PGBD2: variants seen among roughly 807,000 people sequenced by gnomAD.
PGBD2 encodes piggyBac transposable element derived 2.
PGBD2 carries 6 observed loss-of-function variants against 8.1 expected under a neutral mutation model. That is an observed-to-expected ratio of 0.74 (90% CI 0.40 to 1.46). The LOEUF (loss-of-function observed/expected upper bound fraction) is 1.46. Among genes scored for constraint, PGBD2 ranks in the 40% most tolerant of loss-of-function variants. PGBD2 has a pLI of 0.02. For synonymous variants in PGBD2, 318 were observed against 272.2 expected (o/e 1.17, Z -1.66); for missense variants, 802 against 739.0 (o/e 1.09, Z -0.99).
downstream of PGBD2, among the ~76,000 whole-genome samples, chr1:248,921,373 C>T (rs1020076670): frequency 6.6e-6 from 1 of 152,138 alleles, no homozygotes; most frequent in African/African-American, 2.4e-5. Flanking sequence ...AACCAGTTTT[C>T]CCAACACTAT....
chr1:248,879,956 C>T, the PGBD2 span, among the ~76,000 whole-genome samples: 1 of 152,126 alleles, frequency 6.6e-6, no homozygotes, highest in Non-Finnish European at 1.5e-5. Flanking sequence ...ATCAGTTCTG[C>T]ATGCTGTGGA....
chr1:248,928,199 G>A, the PGBD2 span, among the ~76,000 whole-genome samples: 1 of 152,132 alleles, frequency 6.6e-6, no homozygotes, highest in South Asian at 2.1e-4. Context: ...CAATTAAAAT[G>A]CAACATGTCT....
intron 1 of PGBD2, among the ~76,000 whole-genome samples, chr1:248,907,946 A>G (rs1661720611): frequency 6.6e-6 from 1 of 152,172 alleles, no homozygotes. Context: ...ATTTACATCT[A>G]TAAAATGTCT....
upstream of PGBD2, among the ~76,000 whole-genome samples, chr1:248,905,503 G>C (rs1661607205): frequency 6.6e-6 from 1 of 151,918 alleles, no homozygotes; most frequent in South Asian, 2.1e-4. Context: ...AGTGTGGTGT[G>C]CTACTGGCAT....
rs776912838 is a variant in PGBD2 at position 248,917,610 on chromosome 1, T to A, written c.1026T>A (p.Gly342=). The change falls in exon 3 of 3, where the codon GGT becomes GGA. Residue 342 remains glycine, a synonymous_variant. Coordinates refer to ENST00000329291, the MANE Select transcript of PGBD2 (RefSeq NM_170725.3). The part of the protein sequence containing the change: ...IKFVDALQER[G]FLPYHIFFDK... Reference sequence around the variant, plus strand: ...TTGTGGATGCGCTTCAGGAGCGTGGTTTTCTGCCATATCACATATTTTTTG... The same window carrying A: ...TTGTGGATGCGCTTCAGGAGCGTGGATTTCTGCCATATCACATATTTTTTG... 2 of 1,614,042 alleles carry A rather than the reference T, an allele frequency of 1.2e-6. No individual in the cohort carries two copies. Among genetic ancestry groups the A allele is most frequent in the Non-Finnish European group, 8.5e-7 (1 of 1,180,042 alleles).
At chr1:248,878,785 ACACT>A in the PGBD2 span, among the ~76,000 whole-genome samples, 2 of 152,186 alleles carry the variant, frequency 1.3e-5, no homozygotes. Flanking sequence ...GCTCCATAGT[ACACT>A]GCCCAATTTT....
At chr1:248,916,076 C>T (rs1342601517) in intron 2 of PGBD2, among the ~76,000 whole-genome samples, 2 of 152,084 alleles carry the variant, frequency 1.3e-5, no homozygotes, top group African/African-American at 4.8e-5. Flanking sequence ...AGGTAAGACC[C>T]GTTTATTCCG....
chr1:248,877,982 A>C, the PGBD2 span, among the ~76,000 whole-genome samples: 538 of 152,318 alleles, frequency 3.5e-3, 3 homozygotes, highest in Middle Eastern at 6.8e-3. Context: ...ATATTGCAGA[A>C]AGTGTGGTAA....
At chr1:248,923,291 A>G (rs80056391), downstream of PGBD2, among the ~76,000 whole-genome samples, 19 of 152,178 alleles carry the variant, frequency 1.2e-4, no homozygotes, top group East Asian at 3.7e-3. Flanking sequence ...TTTCTGGGGG[A>G]TCAGTGGTGA....
rs1445950627 is a variant in PGBD2, at chr1:248,913,727, A to G, written c.-47-89A>G. 2.3e-5 allele frequency: 17 copies of G among 751,584 alleles called. No individual in the cohort carries two copies. The Admixed American group carries it at 3.5e-4, about 16-fold the overall frequency. The allele number at this position is 751,584 out of a possible 1,614,324, so 46.6% of individuals were successfully genotyped here. ...TAAGGTGGTGAATCTTAAGTCAAATATATTTTTCCCTTAAATGGTAGAAAA... is the reference window on the plus strand; with the variant it reads ...TAAGGTGGTGAATCTTAAGTCAAATGTATTTTTCCCTTAAATGGTAGAAAA... On this transcript the variant is annotated intron_variant, in intron 1 of 2. Transcript: ENST00000329291.
rs574551950 is a variant in PGBD2 at position 248,913,741 on chromosome 1, A to G, written c.-47-75A>G. On this transcript the variant is annotated intron_variant, in intron 1 of 2. Transcript: ENST00000329291. The stretch of plus-strand genomic sequence containing the variant: ...TTAAGTCAAATATATTTTTCCCTTA[A>G]ATGGTAGAAAAGATCCTGTTGCCTT... 3 of 793,960 alleles carry G rather than the reference A, an allele frequency of 3.8e-6. No homozygotes were observed. The South Asian group carries it at 4.3e-5, about 11-fold the overall frequency. 49.2% of individuals were successfully genotyped at this position (793,960 alleles called of 1,614,324 possible). A position where few individuals can be genotyped will look rare whatever the true frequency, so the allele number is the denominator to read the frequency against.
the PGBD2 span, among the ~76,000 whole-genome samples, chr1:248,899,864 C>G: frequency 6.7e-6 from 1 of 149,094 alleles, no homozygotes; most frequent in African/African-American, 2.5e-5. Flanking sequence ...GGAGAAGAAT[C>G]AAATAGATAT....
the PGBD2 span, among the ~76,000 whole-genome samples, chr1:248,896,880 T>C: frequency 6.6e-6 from 1 of 152,240 alleles, no homozygotes; most frequent in African/African-American, 2.4e-5. Context: ...CCGTGAGGGA[T>C]TGCACTACCC....
At chr1:248,880,855 T>C in the PGBD2 span, among the ~76,000 whole-genome samples, 1 of 152,198 alleles carries the variant, frequency 6.6e-6, no homozygotes, top group Non-Finnish European at 1.5e-5. Flanking sequence ...TTTATCTATA[T>C]TAATAGTCTA....
intron 1 of PGBD2, among the ~76,000 whole-genome samples, chr1:248,908,595 T>A (rs889503354): frequency 3.3e-5 from 5 of 152,156 alleles, no homozygotes; most frequent in African/African-American, 1.2e-4. Flanking sequence ...TCCCTGCATC[T>A]ATGTTGGGGC....
the PGBD2 span, among the ~76,000 whole-genome samples, chr1:248,890,197 G>A: frequency 0.035 from 5,263 of 152,102 alleles, 297 homozygotes; most frequent in African/African-American, 0.12. Context: ...ACAGTGCTGG[G>A]TTACAGGCGT....
At chr1:248,894,806 C>T in the PGBD2 span, among the ~76,000 whole-genome samples, 9 of 146,448 alleles carry the variant, frequency 6.1e-5, no homozygotes, top group African/African-American at 2.3e-4. Flanking sequence ...TTTCTTTCTT[C>T]TTTCTTAGAT....
Position 248,918,303 on chromosome 1 carries a change from G to T in PGBD2, c.1719G>T (p.Arg573=), listed in dbSNP as rs142386179. The T allele has an allele frequency of 3.8e-5, 61 of 1,592,794 alleles. No individual in the cohort carries two copies. Among genetic ancestry groups the T allele is most frequent in the Non-Finnish European group, 5.0e-5 (58 of 1,169,280 alleles). The change falls in exon 3 of 3, where the codon CGG becomes CGT. Residue 573 remains arginine (R), a synonymous_variant. Transcript: ENST00000329291. ...TCTGCCACTCACAGACCAACACCCG[G>T]TGTGAGAAGTGCCAGAAGGGTGTCC... is the stretch of plus-strand genomic sequence containing the variant. ...CALCHSQTNT[R]CEKCQKGVHA... is the part of the protein sequence containing the mutation.
Position 248,917,693 on chromosome 1 carries a change from C to A in PGBD2, c.1109C>A (p.Ala370Asp). The stretch of plus-strand genomic sequence containing the variant: ...ATTTTGAGGAAAAAGGGGGTGAAAG[C>A]CACAGGAACTGTTCGTGAGTACAGG... Reference protein sequence around the residue: ...MSILRKKGVKATGTVREYRTE... With the variant: ...MSILRKKGVKDTGTVREYRTE... The change falls in exon 3 of 3, where the codon GCC (alanine) becomes GAC (aspartate). Residue 370 changes from alanine to aspartate, a missense_variant. Ala to Asp is a moderately radical substitution (Grantham distance 126). Transcript: ENST00000329291. 5 of 1,614,152 alleles carry A rather than the reference C, an allele frequency of 3.1e-6. No individual in the cohort carries two copies. Among genetic ancestry groups the A allele is most frequent in the Non-Finnish European group, 4.2e-6 (5 of 1,180,034 alleles).
Sources: gnomAD v4.1 joint callset for allele counts (sites outside exome capture counted in the v4.1 genomes callset) on GRCh38, gnomAD v4.1.1 for gene constraint, MANE v1.5 for transcripts, NCBI Gene and HGNC (gene_info 2026-07-23, HGNC 2026-07-21) for gene names.